CHDH: variants seen among roughly 807,000 people sequenced by gnomAD.
The protein encoded by CHDH is choline dehydrogenase, mitochondrial.
In CHDH, 43 loss-of-function variants were observed where a neutral mutation model predicts 56.9. The observed-to-expected ratio is 0.76, with a 90% confidence interval of 0.59 to 0.97. The LOEUF (loss-of-function observed/expected upper bound fraction) is 0.97. Ranked by LOEUF, CHDH falls within the 50% of genes least tolerant of loss-of-function variation. The pLI is 0.00. For synonymous variants in CHDH, 364 were observed against 348.5 expected, an observed-to-expected ratio of 1.04 and a Z score of -0.50; for missense variants, 816 against 821.1, an observed-to-expected ratio of 0.99 and a Z score of 0.08.
Position 53,846,309 on chromosome 3 carries a change from T to C in CHDH, c.-357A>G, listed in dbSNP as rs1435124948. ...GAAGCCCGAGGGCGGGTGCAGCTGA[T>C]GCACCTGGCTCACTGCATGCACGTG... On this transcript the variant is annotated 5_prime_UTR_variant, in exon 1 of 9. Coordinates refer to ENST00000315251, the MANE Select transcript of CHDH (RefSeq NM_018397.5). 3 of 380,620 alleles carry C rather than the reference T, an allele frequency of 7.9e-6. No individual in the cohort carries two copies. The highest frequency in any genetic ancestry group is 6.4e-5 in the African/African-American group (3 of 47,158). 23.6% of individuals were successfully genotyped at this position (380,620 alleles called of 1,614,324 possible).
chr3:53,823,617 G>C lies in CHDH; in HGVS notation c.392C>G (p.Ser131Cys), dbSNP rs1232566071. The change falls in exon 3 of 9, where the codon TCC becomes TGC. Residue 131 changes from serine to cysteine, a missense_variant. Coordinates refer to ENST00000315251, the MANE Select transcript of CHDH (RefSeq NM_018397.5). Reference sequence around the variant, plus strand: ...GTAGACCATGGCATTGAGGGATGAGGAGCCACCCCAGACGCGGCCGCGTGG... The same window carrying C: ...GTAGACCATGGCATTGAGGGATGAGCAGCCACCCCAGACGCGGCCGCGTGG... ...YWPRGRVWGG[S>C]SSLNAMVYVR... 9 of 1,543,984 alleles carry C rather than the reference G, an allele frequency of 5.8e-6. No individual in the cohort carries two copies. Among genetic ancestry groups the C allele is most frequent in the Non-Finnish European group, 7.9e-6 (9 of 1,146,248 alleles).
chr3:53,826,119 A>G (rs2095638663), intron 2 of CHDH, among the ~76,000 whole-genome samples: 1 of 152,136 alleles, frequency 6.6e-6, no homozygotes. Context: ...AAAGAAATTG[A>G]ATCAATAATT....
At chr3:53,827,499 A>G (rs1338745136) in intron 2 of CHDH, among the ~76,000 whole-genome samples, 1 of 152,144 alleles carries the variant, frequency 6.6e-6, no homozygotes, top group Non-Finnish European at 1.5e-5. Context: ...AAAAATAACT[A>G]GTAAAAAATA....
Position 53,835,883 on chromosome 3 carries a change from C to T in CHDH, c.-60+5046G>A, listed in dbSNP as rs527829586. ...GAGAGGGAAACGAGCCTGAAGAGGTCGAGCCCCTGCCCCATGTCAAGCCAA... is the reference window on the plus strand; with the variant it reads ...GAGAGGGAAACGAGCCTGAAGAGGTTGAGCCCCTGCCCCATGTCAAGCCAA... On this transcript the variant is annotated intron_variant, in intron 2 of 8. Coordinates refer to ENST00000315251, the MANE Select transcript of CHDH (RefSeq NM_018397.5). 3.0e-4 allele frequency among the ~76,000 whole-genome samples: 45 copies of T among 152,256 alleles called. 1 individual carries two copies. Among genetic ancestry groups the T allele is most frequent in the South Asian group, 2.5e-3 (12 of 4,818 alleles).
At chr3:53,843,184 C>CG (rs768947265) in intron 1 of CHDH, among the ~76,000 whole-genome samples, 1 of 129,708 alleles carries the variant, frequency 7.7e-6, no homozygotes, top group Non-Finnish European at 1.5e-5. Flanking sequence ...ATTTCCCCCC[C>CG]CACCTTTTTT....
Position 53,817,539 on chromosome 3 carries a change from C to G in CHDH, c.*238G>C. The G allele has an allele frequency of 1.9e-6, 1 of 528,138 alleles. No homozygotes were observed. The highest frequency in any genetic ancestry group is 3.1e-5 in the East Asian group (1 of 32,538). The allele number at this position is 528,138 out of a possible 1,614,324, so 32.7% of individuals were successfully genotyped here. A position where few individuals can be genotyped will look rare whatever the true frequency, so the allele number is the denominator to read the frequency against. Reference sequence around the variant, plus strand: ...AGGAGGCAGGGAGGAACATCTCAGGCTGAATGCTGGCCTTCCCCAAATGGC... The same window carrying G: ...AGGAGGCAGGGAGGAACATCTCAGGGTGAATGCTGGCCTTCCCCAAATGGC... On this transcript the variant is annotated 3_prime_UTR_variant, in exon 9 of 9. Transcript: ENST00000315251.
At chr3:53,832,740 T>C (rs938722536) in intron 2 of CHDH, among the ~76,000 whole-genome samples, 3 of 151,968 alleles carry the variant, frequency 2.0e-5, no homozygotes, top group Non-Finnish European at 4.4e-5. Flanking sequence ...GGCAAATCCA[T>C]AGAAACAGAA....
chr3:53,824,766 T>C (rs2095635941), intron 2 of CHDH, among the ~76,000 whole-genome samples: 2 of 151,970 alleles, frequency 1.3e-5, no homozygotes, highest in African/African-American at 4.8e-5. Context: ...TTCAAATCAA[T>C]CCCAGCATAG....
intron 2 of CHDH, among the ~76,000 whole-genome samples, chr3:53,829,404 G>A (rs1698264218): frequency 6.6e-6 from 1 of 152,162 alleles, no homozygotes; most frequent in Non-Finnish European, 1.5e-5. Flanking sequence ...ATAATGATGT[G>A]CTAATATAGG....
At chr3:53,818,542 C>T (rs2095620013) in intron 8 of CHDH, among the ~76,000 whole-genome samples, 1 of 152,188 alleles carries the variant, frequency 6.6e-6, no homozygotes, top group Non-Finnish European at 1.5e-5. Context: ...GCAAAACCTG[C>T]CCAGTGGGTA....
intron 2 of CHDH, among the ~76,000 whole-genome samples, chr3:53,836,038 T>C (rs1380501700): frequency 6.6e-6 from 1 of 152,220 alleles, no homozygotes; most frequent in Non-Finnish European, 1.5e-5. Flanking sequence ...CCAAGAAGGC[T>C]TGGCTGCTTT....
At chr3:53,833,760 AC>A (rs1698411598) in intron 2 of CHDH, among the ~76,000 whole-genome samples, 1 of 152,152 alleles carries the variant, frequency 6.6e-6, no homozygotes, top group East Asian at 1.9e-4. Context: ...TAGTGCCTGG[AC>A]CAGAAGAGGA....
At position 53,824,975 on chromosome 3, in the gene CHDH, G is replaced by A. The variant is rs530008951; in HGVS notation, c.-59-908C>T. 1.4e-3 allele frequency among the ~76,000 whole-genome samples: 218 copies of A among 152,320 alleles called. 2 individuals are homozygous for A. The highest frequency in any genetic ancestry group is 1.7e-3 in the Non-Finnish European group (118 of 68,028). ...CAGCAGCCTACCACTGGAGTGCAGA[G>A]GCTCTTTCTCCTCCTCCCGTCCACC... On this transcript the variant is annotated intron_variant, in intron 2 of 8. Coordinates refer to ENST00000315251, the MANE Select transcript of CHDH (RefSeq NM_018397.5).
rs759040078 is a variant in CHDH at position 53,817,908 on chromosome 3, C to T, written c.1654G>A (p.Val552Ile). The change falls in exon 9 of 9, where the codon GTC (valine) becomes ATC (isoleucine). Residue 552 changes from valine (V) to isoleucine (I), a missense_variant. By Grantham distance (29) the Val-to-Ile change is conservative. Coordinates refer to ENST00000315251, the MANE Select transcript of CHDH (RefSeq NM_018397.5). ...VVDASIMPSM[V>I]SGNLNAPTIM... ...GTGGGGGCGTTCAGGTTGCCGCTGA[C>T]CATGCTAGGCATGATGGAGGCATCG... 4.3e-6 allele frequency: 7 copies of T among 1,614,120 alleles called. No homozygotes were observed. Among genetic ancestry groups the T allele is most frequent in the African/African-American group, 1.3e-5 (1 of 74,948 alleles).
In CHDH at chr3:53,817,753, G is replaced by C; in HGVS notation, c.*24C>G. ...TCTTGGCTTATCAGGGGGCTTCCCT[G>C]GTCATCCTCCAGCAGCAACTGTCTT... On this transcript the variant is annotated 3_prime_UTR_variant, in exon 9 of 9. Transcript: ENST00000315251. 6.4e-7 allele frequency: 1 copy of C among 1,561,508 alleles called. No individual in the cohort carries two copies. Among genetic ancestry groups the C allele is most frequent in the Non-Finnish European group, 8.7e-7 (1 of 1,154,032 alleles).
chr3:53,836,511 G>A (rs1280886856), intron 2 of CHDH, among the ~76,000 whole-genome samples: 1 of 152,174 alleles, frequency 6.6e-6, no homozygotes, highest in Non-Finnish European at 1.5e-5. Context: ...GGCATGGATT[G>A]CCCTCCTCAC....
At chr3:53,821,014 C>T (rs1442356070) in intron 5 of CHDH, among the ~76,000 whole-genome samples, 1 of 152,248 alleles carries the variant, frequency 6.6e-6, no homozygotes, top group Admixed American at 6.5e-5. Flanking sequence ...GGAAGCAGCC[C>T]TGTCGTGCTA....
At chr3:53,829,099 CAAG>C (rs1173716042) in intron 2 of CHDH, among the ~76,000 whole-genome samples, 1 of 152,002 alleles carries the variant, frequency 6.6e-6, no homozygotes, top group Non-Finnish European at 1.5e-5. Flanking sequence ...CATGAAAAAA[CAAG>C]GAGGAAACTT....
intron 2 of CHDH, among the ~76,000 whole-genome samples, chr3:53,836,174 T>C (rs538939029): frequency 6.6e-6 from 1 of 152,292 alleles, no homozygotes; most frequent in East Asian, 1.9e-4. Flanking sequence ...GAGACCTGGC[T>C]GGGCCCAGAG....
Sources: allele counts gnomAD v4.1 joint callset (sites outside exome capture counted in the v4.1 genomes callset), GRCh38; gene constraint gnomAD v4.1.1; transcripts MANE v1.5; gene names NCBI Gene and HGNC (gene_info 2026-07-23, HGNC 2026-07-21).